Variants in CCDC200 observed in about 807,000 individuals in gnomAD.
The protein encoded by CCDC200 is coiled-coil domain-containing protein 200.
At position 43,223,312 on chromosome 17, in the gene CCDC200, C is replaced by T. The variant is rs1304108978; in HGVS notation, c.480+244G>A. On this transcript the variant is annotated intron_variant, in intron 3 of 3. Coordinates refer to ENST00000636331, the MANE Select transcript of CCDC200 (RefSeq NM_001363254.2). ...GGCTCAAGCAATACTCCTGCCTCAG[C>T]TTCCCAAGTAGCCAAGACTACTGCA... Among the ~76,000 whole-genome samples, 3 of 143,968 alleles carry T rather than the reference C, an allele frequency of 2.1e-5. No homozygotes were observed. In the East Asian group the frequency reaches 6.1e-4, roughly 29 times the overall value. 94.4% of individuals were successfully genotyped at this position (143,968 alleles called of 152,430 possible).
At chr17:43,223,234 C>T (rs963338715) in intron 3 of CCDC200, among the ~76,000 whole-genome samples, 1 of 102,222 alleles carries the variant, frequency 9.8e-6, no homozygotes, top group African/African-American at 3.1e-5. Context: ...CAATTTTTTT[C>T]AATTTTTTTC....
At chr17:43,221,653 C>T (rs1163394171) in intron 3 of CCDC200, 56 bp from the exon 4 acceptor site, 1 of 152,606 alleles carries the variant, frequency 6.6e-6, no homozygotes, top group Non-Finnish European at 1.5e-5. Context: ...GGTTTCAGAA[C>T]ATTGTGTGAA....
intron 1 of CCDC200, among the ~76,000 whole-genome samples, chr17:43,225,518 T>C (rs1033150118): frequency 2.2e-4 from 32 of 147,028 alleles, no homozygotes; most frequent in African/African-American, 7.9e-4. Flanking sequence ...CAAAAATTAG[T>C]TGGGCTTGGT....
chr17:43,226,407 G>A (rs374326047), intron 1 of CCDC200: 2 of 152,140 alleles, frequency 1.3e-5, no homozygotes, highest in East Asian at 3.9e-4. Context: ...TTATTTTTTT[G>A]TGTGCAACAG....
rs867235090 is a variant in CCDC200, at chr17:43,225,679, A to T, written c.106-1130T>A. Among the ~76,000 whole-genome samples, 82 of 15,948 alleles carry T rather than the reference A, an allele frequency of 5.1e-3. 10 individuals carry two copies. The East Asian group carries it at 0.38, about 73-fold the overall frequency. 10.5% of individuals were successfully genotyped at this position (15,948 alleles called of 152,430 possible). ...CTCCGTCTAAAAAAAAAAAAAAAAAAGTATATATATATATTGCATGCTACA... is the reference window on the plus strand; with the variant it reads ...CTCCGTCTAAAAAAAAAAAAAAAAATGTATATATATATATTGCATGCTACA... On this transcript the variant is annotated intron_variant, in intron 1 of 3. Coordinates refer to ENST00000636331, the MANE Select transcript of CCDC200 (RefSeq NM_001363254.2).
chr17:43,224,519 G>T lies in CCDC200; in HGVS notation c.136C>A (p.Gln46Lys), dbSNP rs1232331575. The change falls in exon 2 of 4, where the codon CAA (glutamine) becomes AAA (lysine). Residue 46 changes from glutamine (Q) to lysine (K), a missense_variant. Gln to Lys is a moderately conservative substitution (Grantham distance 53). Coordinates refer to ENST00000636331, the MANE Select transcript of CCDC200 (RefSeq NM_001363254.2). ...TGTGGCTGGAGTTTTTCCTCCGATT[G>T]TTGTTCTTCCTCCTGGTGATTCTTC... Reference protein sequence around the residue: ...ELKNHQEEEQQSEEKLQPHKK... With the variant: ...ELKNHQEEEQKSEEKLQPHKK... 1.3e-5 allele frequency: 2 copies of T among 153,202 alleles called. No homozygotes were observed. The highest frequency in any genetic ancestry group is 4.8e-5 in the African/African-American group (2 of 41,436). The allele number at this position is 153,202 out of a possible 1,614,324, so 9.5% of individuals were successfully genotyped here.
In CCDC200 at chr17:43,223,586, G is replaced by A. The variant is rs908999762; in HGVS notation, c.450C>T (p.Pro150=). 2.6e-5 allele frequency: 4 copies of A among 152,256 alleles called. No individual in the cohort carries two copies. The highest frequency in any genetic ancestry group is 9.7e-5 in the African/African-American group (4 of 41,298). 9.4% of individuals were successfully genotyped at this position (152,256 alleles called of 1,614,324 possible). The part of the protein sequence containing the change: ...PGLMNPCQSS[P]IRNTGYSQLK... Reference sequence around the variant, plus strand: ...GTTGTGAATACCCAGTGTTTCTGATGGGGCTAGATTGGCATGGGTTCATGA... The same window carrying A: ...GTTGTGAATACCCAGTGTTTCTGATAGGGCTAGATTGGCATGGGTTCATGA... The change falls in exon 3 of 4, where the codon CCC becomes CCT. Residue 150 remains proline, a synonymous_variant. Coordinates refer to ENST00000636331, the MANE Select transcript of CCDC200 (RefSeq NM_001363254.2).
chr17:43,222,770 T>C (rs925895503), intron 3 of CCDC200, among the ~76,000 whole-genome samples: 1 of 138,764 alleles, frequency 7.2e-6, no homozygotes, highest in African/African-American at 2.6e-5. Context: ...GTTTTTTTTT[T>C]TCGTTTTTTT....
intron 2 of CCDC200, 22 bp downstream of exon 2, chr17:43,224,212 C>G (rs1311219244): frequency 6.5e-6 from 1 of 153,026 alleles, no homozygotes; most frequent in East Asian, 1.9e-4. Context: ...TTAGTAGATC[C>G]CCGCTGAAGT....
intron 3 of CCDC200, among the ~76,000 whole-genome samples, chr17:43,222,773 G>GTTTT (rs542275017): frequency 7.9e-6 from 1 of 127,330 alleles, no homozygotes; most frequent in African/African-American, 3.0e-5. Context: ...TTTTTTTTTC[G>GTTTT]TTTTTTTTTT....
chr17:43,227,560 C>T (rs1270458865), intron 1 of CCDC200, among the ~76,000 whole-genome samples: 1 of 152,052 alleles, frequency 6.6e-6, no homozygotes, highest in Admixed American at 6.5e-5. Flanking sequence ...TCTTGGCTCA[C>T]TGCAACCTCC....
chr17:43,225,701 T>G (rs2057564298), intron 1 of CCDC200, among the ~76,000 whole-genome samples: 1 of 37,858 alleles, frequency 2.6e-5, no homozygotes, highest in South Asian at 1.8e-3. Context: ...TATTGCATGC[T>G]ACATGTGTAA....
At position 43,222,291 on chromosome 17, in the gene CCDC200, G is replaced by A. The variant is rs559927767; in HGVS notation, c.481-694C>T. Among the ~76,000 whole-genome samples the A allele has an allele frequency of 1.6e-3, 241 of 151,788 alleles. 2 individuals are homozygous for A. Among genetic ancestry groups the A allele is most frequent in the African/African-American group, 5.6e-3 (230 of 41,410 alleles). ...AGTGATTCTCCTGCCTCAGTCTCCC[G>A]AATAGCTGGGACTACAGATGCGCCC... On this transcript the variant is annotated intron_variant, in intron 3 of 3. Transcript: ENST00000636331.
chr17:43,227,686 A>G (rs1319889035), intron 1 of CCDC200, among the ~76,000 whole-genome samples: 1 of 150,108 alleles, frequency 6.7e-6, no homozygotes. Context: ...AGGTTTCGCC[A>G]TGTTGGCCAG....
Position 43,225,693 on chromosome 17 carries a change from T to TATATATATATATATATAA in CCDC200, c.106-1145_106-1144insTTATATATATATATATAT, listed in dbSNP as rs1282739067. Among the ~76,000 whole-genome samples, 75 of 28,964 alleles carry TATATATATATATATATAA rather than the reference T, an allele frequency of 2.6e-3. 4 individuals are homozygous for TATATATATATATATATAA. The highest frequency in any genetic ancestry group is 3.5e-3 in the African/African-American group (75 of 21,190). 19.0% of individuals were successfully genotyped at this position (28,964 alleles called of 152,430 possible). On this transcript the variant is annotated intron_variant, in intron 1 of 3. Transcript: ENST00000636331. ...AAAAAAAAAAAAGTATATATATATA[T>TATATATATATATATATAA]TGCATGCTACATGTGTAATTTTAAA...
rs185994891 is a variant in CCDC200, at chr17:43,225,869, G to T, written c.106-1320C>A. On this transcript the variant is annotated intron_variant, in intron 1 of 3. Transcript: ENST00000636331. Reference sequence around the variant, plus strand: ...CTGCCTCAGCCTCCTGAGTAGCTGGGATTATAGGCATGTGCCACCACGCCA... The same window carrying T: ...CTGCCTCAGCCTCCTGAGTAGCTGGTATTATAGGCATGTGCCACCACGCCA... 5.3e-4 allele frequency among the ~76,000 whole-genome samples: 79 copies of T among 148,370 alleles called. No homozygotes were observed. The East Asian group carries it at 0.016, about 29-fold the overall frequency.
At position 43,225,926 on chromosome 17, in the gene CCDC200, G is replaced by A. The variant is rs2057566638; in HGVS notation, c.106-1377C>T. Among the ~76,000 whole-genome samples the A allele has an allele frequency of 2.0e-5, 3 of 150,810 alleles. No homozygotes were observed. The South Asian group carries it at 6.3e-4, about 32-fold the overall frequency. On this transcript the variant is annotated intron_variant, in intron 1 of 3. Transcript: ENST00000636331. ...TTTTTGTATTTTTAGTAGAGGCGGGGTTTCACCATGTTGGCCAGGATGGTC... is the reference window on the plus strand; with the variant it reads ...TTTTTGTATTTTTAGTAGAGGCGGGATTTCACCATGTTGGCCAGGATGGTC...
chr17:43,221,794 C>T (rs1329926509), intron 3 of CCDC200, among the ~76,000 whole-genome samples, 197 bp from the exon 4 acceptor site: 2 of 152,100 alleles, frequency 1.3e-5, no homozygotes, highest in Admixed American at 6.6e-5. Flanking sequence ...CACAATTGCA[C>T]AATTATATAT....
chr17:43,226,653 A>G (rs1025806655), intron 1 of CCDC200, among the ~76,000 whole-genome samples: 3 of 152,204 alleles, frequency 2.0e-5, no homozygotes, highest in Non-Finnish European at 4.4e-5. Context: ...CTTGGCTCCC[A>G]AAGAGCTGGG....
Sources: gnomAD v4.1 joint callset for allele counts (sites outside exome capture counted in the v4.1 genomes callset) on GRCh38, gnomAD v4.1.1 for gene constraint, MANE v1.5 for transcripts, NCBI Gene and HGNC (gene_info 2026-07-23, HGNC 2026-07-21) for gene names.